GCM2: variants seen among roughly 807,000 people sequenced by gnomAD.
GCM2 encodes the protein chorion-specific transcription factor GCMb.
Under a neutral mutation model 24.8 loss-of-function variants are expected in GCM2, and 21 were observed. The observed-to-expected ratio is 0.85, with a 90% CI of 0.60 to 1.22. GCM2 has a LOEUF of 1.22. Ranked by LOEUF, GCM2 falls within the 50% of genes most tolerant of loss-of-function variation. The pLI is 0.00. For synonymous variants in GCM2, 222 were observed against 238.0 expected (o/e 0.93, Z 0.62); for missense variants, 532 against 645.6 (o/e 0.82, Z 1.91).
In GCM2 at chr6:10,881,689, AC is replaced by A; in HGVS notation, c.90+14del. ...GACAGCGCCCCGCGTGCCCGCACAC[AC>A]CCGGTTCACTTACCTGAGGCATCTG... On this transcript the variant is annotated intron_variant, in intron 1 of 4. Coordinates refer to ENST00000379491, the MANE Select transcript of GCM2 (RefSeq NM_004752.4). 1 of 1,599,976 alleles carries A rather than the reference AC, an allele frequency of 6.3e-7. No individual in the cohort carries two copies. The highest frequency in any genetic ancestry group is 8.5e-7 in the Non-Finnish European group (1 of 1,170,374).
chr6:10,876,042 A>G (rs765218674), intron 3 of GCM2, 26 bp from the exon 4 acceptor site: 7 of 1,613,408 alleles, frequency 4.3e-6, no homozygotes, highest in Admixed American at 3.3e-5. Flanking sequence ...AATGAATCAT[A>G]CATTTGTGCC....
In GCM2 at chr6:10,873,834, T is replaced by C. The variant is rs1176133665; in HGVS notation, c.*161A>G. ...GAAATTTCCCATATTATCTAATCAT[T>C]TCCAACTGATTATTTTCTCAGTTAC... On this transcript the variant is annotated 3_prime_UTR_variant, in exon 5 of 5. Coordinates refer to ENST00000379491, the MANE Select transcript of GCM2 (RefSeq NM_004752.4). 1 of 692,370 alleles carries C rather than the reference T, an allele frequency of 1.4e-6. No homozygotes were observed. The highest frequency in any genetic ancestry group is 2.6e-6 in the Non-Finnish European group (1 of 384,884). The allele number at this position is 692,370 out of a possible 1,614,324, so 42.9% of individuals were successfully genotyped here. A position where few individuals can be genotyped will look rare whatever the true frequency, so the allele number is the denominator to read the frequency against.
chr6:10,879,523 G>C (rs1365327210), intron 1 of GCM2, among the ~76,000 whole-genome samples: 2 of 152,196 alleles, frequency 1.3e-5, no homozygotes, highest in African/African-American at 4.8e-5. Context: ...AGACCTGGAG[G>C]AGAGTTTGAG....
chr6:10,877,840 A>T (rs1779905106), intron 1 of GCM2, among the ~76,000 whole-genome samples: 1 of 152,236 alleles, frequency 6.6e-6, no homozygotes, highest in Non-Finnish European at 1.5e-5. Context: ...TAAGTTAGGT[A>T]TCAAAGTACC....
intron 1 of GCM2, 26 bp downstream of exon 1, chr6:10,881,678 T>A: frequency 2.7e-6 from 4 of 1,501,654 alleles, no homozygotes; most frequent in Admixed American, 1.8e-5. Flanking sequence ...GCGCCCCGCG[T>A]GCCCGCACAC....
rs1265162616 is a variant in GCM2 at position 10,874,250 on chromosome 6, C to A, written c.1266G>T (p.Gly422=). The change falls in exon 5 of 5, where the codon GGG becomes GGT. Residue 422 remains glycine (G), a synonymous_variant. Coordinates refer to ENST00000379491, the MANE Select transcript of GCM2 (RefSeq NM_004752.4). ...SSCNYAPEDT[G]MSVYPEPWGP... is the part of the protein sequence containing the mutation. Reference sequence around the variant, plus strand: ...CCCAGGGTTCTGGATAGACAGACATCCCAGTATCTTCAGGAGCATAGTTAC... The same window carrying A: ...CCCAGGGTTCTGGATAGACAGACATACCAGTATCTTCAGGAGCATAGTTAC... The A allele has an allele frequency of 1.2e-6, 2 of 1,614,062 alleles. No individual in the cohort carries two copies. The highest frequency in any genetic ancestry group is 1.7e-6 in the Non-Finnish European group (2 of 1,180,042).
Position 10,874,877 on chromosome 6 carries a change from A to T in GCM2, c.639T>A (p.Asn213Lys), listed in dbSNP as rs368550718. 6.2e-7 allele frequency: 1 copy of T among 1,614,082 alleles called. No homozygotes were observed. ...CAGTAACTATATCAAAGTCTTCTGG[A>T]TTTTCCAAGGGAGGTATGTTGCTGA... ...GHFSNIPPLE[N>K]PEDFDIVTET... The change falls in exon 5 of 5, where the codon AAT (asparagine) becomes AAA (lysine). Residue 213 changes from asparagine (N) to lysine (K), a missense_variant. Asn to Lys is a moderately conservative substitution (Grantham distance 94). Around this residue, in one of 3 missense-constraint regions of GCM2, gnomAD observed 434 missense variants for 521.9 expected, o/e 0.83. Coordinates refer to ENST00000379491, the MANE Select transcript of GCM2 (RefSeq NM_004752.4).
intron 1 of GCM2, among the ~76,000 whole-genome samples, chr6:10,879,830 TTC>T (rs1403930955): frequency 6.6e-6 from 1 of 152,178 alleles, no homozygotes; most frequent in Non-Finnish European, 1.5e-5. Context: ...GATGTGACTT[TTC>T]TAAAATGCAA....
Position 10,874,679 on chromosome 6 carries a change from G to A in GCM2, c.837C>T (p.Asn279=), listed in dbSNP as rs1480515906. 6.2e-7 allele frequency: 1 copy of A among 1,614,118 alleles called. No individual in the cohort carries two copies. The highest frequency in any genetic ancestry group is 2.2e-5 in the East Asian group (1 of 44,888). ...ATGGGCTTGAATTTGTATAACCAGGGTTTGCCAATTCATAGCTGCAAGGTG... is the reference window on the plus strand; with the variant it reads ...ATGGGCTTGAATTTGTATAACCAGGATTTGCCAATTCATAGCTGCAAGGTG... ...PRPPCSYELA[N]PGYTNSSPYP... is the part of the protein sequence containing the mutation. Residue 279 remains asparagine (N), a synonymous_variant, in exon 5 of 5, where the codon AAC becomes AAT. Coordinates refer to ENST00000379491, the MANE Select transcript of GCM2 (RefSeq NM_004752.4).
At chr6:10,875,484 A>G (rs1404490711) in intron 4 of GCM2, among the ~76,000 whole-genome samples, 1 of 152,222 alleles carries the variant, frequency 6.6e-6, no homozygotes, top group African/African-American at 2.4e-5. Flanking sequence ...GCTTTGGTTG[A>G]AAAGCCAAAC....
rs1418875148 is a variant in GCM2 at position 10,874,258 on chromosome 6, C to A, written c.1258G>T (p.Asp420Tyr). ...TCTGGATAGACAGACATCCCAGTAT[C>A]TTCAGGAGCATAGTTACAGCTCGAA... Reference protein sequence around the residue: ...SLSSCNYAPEDTGMSVYPEPW... With the variant: ...SLSSCNYAPEYTGMSVYPEPW... Residue 420 changes from aspartate to tyrosine, a missense_variant, in exon 5 of 5, where the codon GAT becomes TAT. Coordinates refer to ENST00000379491, the MANE Select transcript of GCM2 (RefSeq NM_004752.4). 6.2e-7 allele frequency: 1 copy of A among 1,614,212 alleles called. No individual in the cohort carries two copies. Among genetic ancestry groups the A allele is most frequent in the Non-Finnish European group, 8.5e-7 (1 of 1,180,042 alleles).
At position 10,874,248 on chromosome 6, in the gene GCM2, A is replaced by C; in HGVS notation, c.1268T>G (p.Met423Arg). 3 of 1,614,208 alleles carry C rather than the reference A, an allele frequency of 1.9e-6. No homozygotes were observed. Among genetic ancestry groups the C allele is most frequent in the Non-Finnish European group, 2.5e-6 (3 of 1,180,032 alleles). ...ACCCCAGGGTTCTGGATAGACAGAC[A>C]TCCCAGTATCTTCAGGAGCATAGTT... ...SCNYAPEDTG[M>R]SVYPEPWGPP... Residue 423 changes from methionine (M) to arginine (R), a missense_variant, in exon 5 of 5, where the codon ATG becomes AGG. Met to Arg is a moderately conservative substitution (Grantham distance 91). This residue lies in a region of GCM2 where 434 missense variants were observed against 521.9 expected (regional missense o/e 0.83). Coordinates refer to ENST00000379491, the MANE Select transcript of GCM2 (RefSeq NM_004752.4).
Position 10,873,671 on chromosome 6 carries a change from T to C in GCM2, c.*324A>G. ...GTCCTAGAATAAGAACCAGAATCCT[T>C]GACTTCTACTCCTGCTAATAAGCTA... On this transcript the variant is annotated 3_prime_UTR_variant, in exon 5 of 5. Transcript: ENST00000379491. 1 of 369,970 alleles carries C rather than the reference T, an allele frequency of 2.7e-6. No individual in the cohort carries two copies. Among genetic ancestry groups the C allele is most frequent in the Non-Finnish European group, 5.2e-6 (1 of 193,948 alleles). 22.9% of individuals were successfully genotyped at this position (369,970 alleles called of 1,614,324 possible). A position where few individuals can be genotyped will look rare whatever the true frequency, so the allele number is the denominator to read the frequency against.
intron 4 of GCM2, 77 bp from the exon 5 acceptor site, chr6:10,875,010 G>A (rs755849110): frequency 2.5e-5 from 25 of 1,018,894 alleles, no homozygotes; most frequent in Non-Finnish European, 3.9e-5. Context: ...TAGCCTAGAA[G>A]TAAGTAAAAA....
chr6:10,878,789 G>A (rs1244370253), intron 1 of GCM2, among the ~76,000 whole-genome samples: 2 of 152,182 alleles, frequency 1.3e-5, no homozygotes, highest in African/African-American at 4.8e-5. Flanking sequence ...AAATAAGGAA[G>A]TGGAGGTTCA....
intron 1 of GCM2, among the ~76,000 whole-genome samples, chr6:10,879,128 C>G (rs1005235906): frequency 2.0e-5 from 3 of 152,060 alleles, no homozygotes; most frequent in Admixed American, 6.6e-5. Context: ...TATCTTTTCT[C>G]TGAAATATTA....
chr6:10,882,034 G>C lies in GCM2; in HGVS notation c.-241C>G. The stretch of plus-strand genomic sequence containing the variant: ...GTGCTGAACGTTCTCCACCCGAACG[G>C]CAGCATCGACCTCTGGCAGCTGCCC... On this transcript the variant is annotated 5_prime_UTR_variant, in exon 1 of 5. Transcript: ENST00000379491. 1.8e-6 allele frequency: 1 copy of C among 543,120 alleles called. No homozygotes were observed. The highest frequency in any genetic ancestry group is 2.0e-5 in the South Asian group (1 of 48,850). 33.6% of individuals were successfully genotyped at this position (543,120 alleles called of 1,614,324 possible).
intron 1 of GCM2, 60 bp from the exon 2 acceptor site, chr6:10,877,452 C>T: frequency 6.3e-7 from 1 of 1,587,384 alleles, no homozygotes; most frequent in Non-Finnish European, 8.6e-7. Context: ...ACACATCATG[C>T]TCTAAAATTT....
chr6:10,874,476 T>G lies in GCM2; in HGVS notation c.1040A>C (p.Asn347Thr). The G allele has an allele frequency of 6.2e-7, 1 of 1,614,188 alleles. No individual in the cohort carries two copies. The highest frequency in any genetic ancestry group is 8.5e-7 in the Non-Finnish European group (1 of 1,180,036). The change falls in exon 5 of 5, where the codon AAC becomes ACC. Residue 347 changes from asparagine (N) to threonine (T), a missense_variant. By Grantham distance (65) the Asn-to-Thr change is moderately conservative. Coordinates refer to ENST00000379491, the MANE Select transcript of GCM2 (RefSeq NM_004752.4). Reference sequence around the variant, plus strand: ...GGCCATGGCCTGAAACTGCCCATGGTTAGTCCTTTCCACAAGGCTGGGTTT... The same window carrying G: ...GGCCATGGCCTGAAACTGCCCATGGGTAGTCCTTTCCACAAGGCTGGGTTT... Reference protein sequence around the residue: ...LGKPSLVERTNHGQFQAMATR... With the variant: ...LGKPSLVERTTHGQFQAMATR...
Sources: gnomAD v4.1 joint callset for allele counts (sites outside exome capture counted in the v4.1 genomes callset) on GRCh38, gnomAD v4.1.1 for gene constraint, gnomAD v4.1.1 regional missense constraint, MANE v1.5 for transcripts, NCBI Gene and HGNC (gene_info 2026-07-23, HGNC 2026-07-21) for gene names.